Variants in PLD5 observed in about 807,000 individuals in gnomAD.
PLD5 encodes phospholipase D family member 5.
PLD5 carries 36 observed loss-of-function variants against 61.1 expected under a neutral mutation model. The ratio of observed to expected loss-of-function variants is 0.59; its 90% CI spans 0.45 to 0.78. The LOEUF (loss-of-function observed/expected upper bound fraction) is 0.78, where lower values mean the gene tolerates loss of function less well. PLD5 is among the 30% of genes least tolerant of loss of function. PLD5 has a pLI of 0.00. For synonymous variants in PLD5, 243 were observed against 242.8 expected, an observed-to-expected ratio of 1.00 and a Z score of -0.01; for missense variants, 515 against 644.4, an observed-to-expected ratio of 0.80 and a Z score of 2.17.
chr1:242,463,129 T>G (rs1667171207), intron 1 of PLD5, among the ~76,000 whole-genome samples: 1 of 152,230 alleles, frequency 6.6e-6, no homozygotes, highest in Non-Finnish European at 1.5e-5. Context: ...TCGCACTGTC[T>G]GTGGTACTGT....
At chr1:242,176,355 A>C (rs1667144937) in intron 5 of PLD5, among the ~76,000 whole-genome samples, 1 of 152,182 alleles carries the variant, frequency 6.6e-6, no homozygotes, top group African/African-American at 2.4e-5. Flanking sequence ...CTATTTAATA[A>C]ATGGTGTTGG....
Position 242,197,193 on chromosome 1 carries a change from C to T in PLD5, c.735+22795G>A, listed in dbSNP as rs113072995. On this transcript the variant is annotated intron_variant, in intron 5 of 9. Coordinates refer to ENST00000536534, the MANE Select transcript of PLD5 (RefSeq NM_001372062.1). ...CCCAGGAGGGACCCTGCCTTCCTCC[C>T]CTTCCTTACTGCCACTGGACTTAGT... Among the ~76,000 whole-genome samples the T allele has an allele frequency of 5.2e-3, 790 of 152,308 alleles. 9 individuals are homozygous for T. The highest frequency in any genetic ancestry group is 0.016 in the South Asian group (78 of 4,830).
At chr1:242,457,164 C>T (rs6700801) in intron 1 of PLD5, among the ~76,000 whole-genome samples, 15,164 of 152,128 alleles carry the variant, frequency 0.1, 908 homozygotes, top group South Asian at 0.23. Flanking sequence ...AGACAATGGT[C>T]CAGCCTATTG....
At chr1:242,204,253 A>G (rs990688237) in intron 5 of PLD5, among the ~76,000 whole-genome samples, 17 of 152,148 alleles carry the variant, frequency 1.1e-4, no homozygotes, top group Non-Finnish European at 2.4e-4. Context: ...CAAAAAAAAA[A>G]AAAAATTTTA....
At chr1:242,330,661 G>T (rs1201705481) in intron 2 of PLD5, among the ~76,000 whole-genome samples, 1 of 152,034 alleles carries the variant, frequency 6.6e-6, no homozygotes, top group Non-Finnish European at 1.5e-5. Context: ...AATATTGACA[G>T]ATTGAAAAAA....
intron 5 of PLD5, among the ~76,000 whole-genome samples, chr1:242,219,500 A>G (rs1385725176): frequency 6.6e-6 from 1 of 152,242 alleles, no homozygotes; most frequent in African/African-American, 2.4e-5. Context: ...TGACACAAAT[A>G]AATGCATAAA....
chr1:242,394,710 A>C (rs1438406167), intron 1 of PLD5, among the ~76,000 whole-genome samples: 1 of 59,890 alleles, frequency 1.7e-5, no homozygotes, highest in Non-Finnish European at 2.9e-5. Context: ...GTGAACATAT[A>C]TGTGTATATA....
Position 242,160,380 on chromosome 1 carries a change from C to G in PLD5, c.736-35715G>C, listed in dbSNP as rs922274972. Among the ~76,000 whole-genome samples, 5 of 152,076 alleles carry G rather than the reference C, an allele frequency of 3.3e-5. No individual in the cohort carries two copies. In the East Asian group the frequency reaches 9.6e-4, roughly 29 times the overall value. On this transcript the variant is annotated intron_variant, in intron 5 of 9. Transcript: ENST00000536534. ...AAATCTCTCATATTAAAGGAGAAGT[C>G]AAGACCTAGAGAGATCACACCCCTA...
At chr1:242,450,151 T>C (rs930364527) in intron 1 of PLD5, among the ~76,000 whole-genome samples, 6 of 152,288 alleles carry the variant, frequency 3.9e-5, no homozygotes, top group Admixed American at 6.5e-5. Context: ...GTTTTATCGT[T>C]TAAAAATTTA....
At chr1:242,344,778 A>G (rs1660034917) in intron 2 of PLD5, among the ~76,000 whole-genome samples, 1 of 151,952 alleles carries the variant, frequency 6.6e-6, no homozygotes, top group Admixed American at 6.6e-5. Context: ...CCACTCTCCC[A>G]GACCCTCTCT....
chr1:242,470,296 C>G (rs529798878), intron 1 of PLD5, among the ~76,000 whole-genome samples: 1 of 150,060 alleles, frequency 6.7e-6, no homozygotes, highest in East Asian at 2.0e-4. Context: ...GAGCCGAGAT[C>G]GCACCACTGC....
chr1:242,339,974 C>T (rs1659739560), intron 2 of PLD5, among the ~76,000 whole-genome samples: 1 of 152,136 alleles, frequency 6.6e-6, no homozygotes, highest in African/African-American at 2.4e-5. Context: ...AACATAAATG[C>T]TTCTCTCTCC....
chr1:242,402,454 A>G (rs1663993523), intron 1 of PLD5, among the ~76,000 whole-genome samples: 1 of 152,224 alleles, frequency 6.6e-6, no homozygotes, highest in Non-Finnish European at 1.5e-5. Flanking sequence ...TATCTCCATA[A>G]CACTAAAGGA....
intron 5 of PLD5, among the ~76,000 whole-genome samples, chr1:242,158,594 C>G (rs768115315): frequency 1.3e-5 from 2 of 152,120 alleles, no homozygotes; most frequent in Non-Finnish European, 2.9e-5. Flanking sequence ...TTGCACTTCC[C>G]GGGTGAGGCA....
chr1:242,386,438 G>A (rs900006279), intron 1 of PLD5, among the ~76,000 whole-genome samples: 4 of 152,246 alleles, frequency 2.6e-5, no homozygotes, highest in Admixed American at 6.5e-5. Flanking sequence ...CTGATGTGAC[G>A]CACTGAGAAG....
At chr1:242,360,581 T>A (rs573396713) in intron 1 of PLD5, among the ~76,000 whole-genome samples, 2 of 152,292 alleles carry the variant, frequency 1.3e-5, no homozygotes, top group Admixed American at 6.5e-5. Flanking sequence ...TGTTCTTTCC[T>A]ATATTCCATC....
intron 5 of PLD5, among the ~76,000 whole-genome samples, chr1:242,144,994 A>G (rs1045115446): frequency 6.6e-6 from 1 of 152,208 alleles, no homozygotes; most frequent in African/African-American, 2.4e-5. Flanking sequence ...TAAGTTTTCT[A>G]TGTATTAACT....
intron 1 of PLD5, among the ~76,000 whole-genome samples, chr1:242,486,223 A>G (rs1667954987): frequency 1.3e-5 from 2 of 152,172 alleles, no homozygotes; most frequent in Non-Finnish European, 2.9e-5. Flanking sequence ...ATGGGATCTA[A>G]TTAAACTAAA....
chr1:242,343,285 T>A (rs1462679322), intron 2 of PLD5, among the ~76,000 whole-genome samples: 1 of 151,994 alleles, frequency 6.6e-6, no homozygotes, highest in East Asian at 1.9e-4. Context: ...TTGAACTGCG[T>A]AAGCAGCACT....
Sources: allele counts gnomAD v4.1 joint callset (sites outside exome capture counted in the v4.1 genomes callset), GRCh38; gene constraint gnomAD v4.1.1; transcripts MANE v1.5; gene names NCBI Gene and HGNC (gene_info 2026-07-23, HGNC 2026-07-21).